The following IFFO2 variants were observed in gnomAD, a reference collection of about 807,000 sequenced individuals.
The protein encoded by IFFO2 is intermediate filament family orphan 2.
IFFO2 carries 19 observed loss-of-function variants against 53.5 expected under a neutral mutation model. The ratio of observed to expected loss-of-function variants is 0.36; its 90% CI spans 0.25 to 0.52. The LOEUF (loss-of-function observed/expected upper bound fraction) is 0.52, where lower values mean the gene tolerates loss of function less well. Among genes scored for constraint, IFFO2 ranks in the 20% least tolerant of loss-of-function variants. The pLI, the probability that IFFO2 is intolerant of heterozygous loss-of-function variation, is 0.94. For synonymous variants in IFFO2, 303 were observed against 313.6 expected (o/e 0.97, Z 0.36); for missense variants, 570 against 727.4 (o/e 0.78, Z 2.49).
intron 1 of IFFO2, among the ~76,000 whole-genome samples, chr1:18,927,603 G>A (rs1936322228): frequency 6.6e-6 from 1 of 152,260 alleles, no homozygotes; most frequent in Non-Finnish European, 1.5e-5. Context: ...TAGCTCCTGT[G>A]TTTGCCCACC....
intron 1 of IFFO2, among the ~76,000 whole-genome samples, chr1:18,939,828 A>C (rs1261375222): frequency 6.6e-6 from 1 of 152,176 alleles, no homozygotes; most frequent in Admixed American, 6.5e-5. Flanking sequence ...AGCACTTCCC[A>C]ATGGAAAAGG....
At position 18,907,978 on chromosome 1, in the gene IFFO2, T is replaced by C. The variant is rs1197324115; in HGVS notation, c.*583A>G. On this transcript the variant is annotated 3_prime_UTR_variant, in exon 9 of 9. Transcript: ENST00000455833. The stretch of plus-strand genomic sequence containing the variant: ...TTCCCTTCCTTCCACCTTTCTCTCC[T>C]TCAGGGAGTGAGAAAATTGGGGTGG... The C allele has an allele frequency of 1.3e-5, 2 of 154,300 alleles. No homozygotes were observed. Among genetic ancestry groups the C allele is most frequent in the Non-Finnish European group, 2.9e-5 (2 of 69,230 alleles). The allele number at this position is 154,300 out of a possible 1,614,324, so 9.6% of individuals were successfully genotyped here.
intron 1 of IFFO2, among the ~76,000 whole-genome samples, chr1:18,950,817 G>A (rs1936650630): frequency 1.3e-5 from 2 of 152,164 alleles, no homozygotes; most frequent in African/African-American, 4.8e-5. Context: ...ATCCCTTTTT[G>A]GAGTCCTCCA....
At position 18,918,330 on chromosome 1, in the gene IFFO2, G is replaced by T. The variant is rs1291369950; in HGVS notation, c.963+32C>A. Reference sequence around the variant, plus strand: ...CCAGGGCTGCTCTGGGAGAGTGGGGGGTTGGCTGGTGAGCAGGGCAGCCCT... The same window carrying T: ...CCAGGGCTGCTCTGGGAGAGTGGGGTGTTGGCTGGTGAGCAGGGCAGCCCT... On this transcript the variant is annotated intron_variant, in intron 4 of 8. Transcript: ENST00000455833. This position sits in a 1 kb window ranked among gnomAD's most constrained non-coding sequence, Gnocchi z 5.2. The T allele has an allele frequency of 5.0e-5, 77 of 1,540,740 alleles. No individual in the cohort carries two copies. Among genetic ancestry groups the T allele is most frequent in the East Asian group, 9.9e-5 (4 of 40,594 alleles).
chr1:18,954,932 G>A (rs77060138), intron 1 of IFFO2, among the ~76,000 whole-genome samples: 6,366 of 152,296 alleles, frequency 0.042, 162 homozygotes, highest in South Asian at 0.068. Context: ...ATGAGACTCA[G>A]GGAGTGGGGA....
In IFFO2 at chr1:18,904,801, A is replaced by G. The variant is rs952395983; in HGVS notation, c.*3760T>C. ...GTCCTAGGAAACCCCCAGCACCCTG[A>G]TCCCTCCCCCCAGGGCCCTGGGGGG... On this transcript the variant is annotated 3_prime_UTR_variant, in exon 9 of 9. Transcript: ENST00000455833. 1.3e-5 allele frequency: 2 copies of G among 152,068 alleles called. No homozygotes were observed. The highest frequency in any genetic ancestry group is 2.9e-5 in the Non-Finnish European group (2 of 68,070). The allele number at this position is 152,068 out of a possible 1,614,324, so 9.4% of individuals were successfully genotyped here. A position where few individuals can be genotyped will look rare whatever the true frequency, so the allele number is the denominator to read the frequency against.
chr1:18,921,253 C>A, intron 1 of IFFO2, 132 bp from the exon 2 acceptor site: 1 of 763,446 alleles, frequency 1.3e-6, no homozygotes, highest in East Asian at 2.7e-5. Context: ...GGCATCCATC[C>A]CTGCCTGCCC....
chr1:18,911,344 G>T, intron 7 of IFFO2, 40 bp downstream of exon 7: 1 of 1,070,154 alleles, frequency 9.3e-7, no homozygotes, highest in Non-Finnish European at 1.3e-6. Flanking sequence ...GTGGACCTCA[G>T]GAGAGCCTCA....
chr1:18,955,760 C>A lies in IFFO2; in HGVS notation c.573G>T (p.Val191=). The change falls in exon 1 of 9, where the codon GTG becomes GTT. Residue 191 remains valine (V), a synonymous_variant. Coordinates refer to ENST00000455833, the MANE Select transcript of IFFO2 (RefSeq NM_001136265.2). ...GCGTGATGGTGTCGATCTGCACGCCCACGCCGTCGGGGTGCACCCACGACA... is the reference window on the plus strand; with the variant it reads ...GCGTGATGGTGTCGATCTGCACGCCAACGCCGTCGGGGTGCACCCACGACA... The part of the protein sequence containing the change: ...PGVSWVHPDG[V]GVQIDTITPE... 1 of 1,569,090 alleles carries A rather than the reference C, an allele frequency of 6.4e-7. No individual in the cohort carries two copies.
At position 18,916,972 on chromosome 1, in the gene IFFO2, T is replaced by A. The variant is rs1426761008; in HGVS notation, c.1034A>T (p.Asn345Ile). The A allele has an allele frequency of 6.4e-7, 1 of 1,551,988 alleles. No homozygotes were observed. The highest frequency in any genetic ancestry group is 2.0e-5 in the Admixed American group (1 of 50,992). Residue 345 changes from asparagine to isoleucine, a missense_variant, in exon 5 of 9, where the codon AAC becomes ATC. Asn to Ile is a moderately radical substitution (Grantham distance 149). Transcript: ENST00000455833. This position sits in a 1 kb window ranked among gnomAD's most constrained non-coding sequence, Gnocchi z 4.3. ...DDISEQDGEVNRFSDDEVGSM... is the reference protein window; with the variant it reads ...DDISEQDGEVIRFSDDEVGSM... ...GCCGACCTCATCGTCCGAGAACCGGTTCACCTCCCCGTCCTGCTCAGAGAT... is the reference window on the plus strand; with the variant it reads ...GCCGACCTCATCGTCCGAGAACCGGATCACCTCCCCGTCCTGCTCAGAGAT...
rs1453226961 is a variant in IFFO2 at position 18,917,461 on chromosome 1, G to A, written c.964-419C>T. 6.6e-6 allele frequency among the ~76,000 whole-genome samples: 1 copy of A among 152,160 alleles called. No individual in the cohort carries two copies. The highest frequency in any genetic ancestry group is 6.5e-5 in the Admixed American group (1 of 15,282). On this transcript the variant is annotated intron_variant, in intron 4 of 8. Transcript: ENST00000455833. This position sits in a 1 kb window ranked among gnomAD's most constrained non-coding sequence, Gnocchi z 5.9. ...CAGAGCCCTCCTGCTCACATGCAAA[G>A]GCAAAGGACAGACGGCCCAAGGTTC...
chr1:18,921,256 G>A (rs1936212448), intron 1 of IFFO2, 135 bp from the exon 2 acceptor site: 13 of 759,102 alleles, frequency 1.7e-5, no homozygotes, highest in Middle Eastern at 2.3e-4. Context: ...ATCCATCCCT[G>A]CCTGCCCTCT....
At chr1:18,946,925 CAT>C (rs1377221347) in intron 1 of IFFO2, among the ~76,000 whole-genome samples, 2 of 152,236 alleles carry the variant, frequency 1.3e-5, no homozygotes, top group East Asian at 1.9e-4. Context: ...TTAACTAACA[CAT>C]GTTTATTGTG....
At chr1:18,914,799 G>A (rs1936107293) in intron 5 of IFFO2, among the ~76,000 whole-genome samples, 1 of 146,708 alleles carries the variant, frequency 6.8e-6, no homozygotes, top group Non-Finnish European at 1.5e-5. Context: ...CTCCAGCCTG[G>A]GCAACAGAAC....
intron 1 of IFFO2, among the ~76,000 whole-genome samples, chr1:18,932,217 A>C (rs186136175): frequency 6.6e-6 from 1 of 152,220 alleles, no homozygotes; most frequent in Admixed American, 6.5e-5. Flanking sequence ...GTTTGTGAAA[A>C]GGAGGGTATA....
rs58235447 is a variant in IFFO2, at chr1:18,908,083, GA to G, written c.*477del. Reference sequence around the variant, plus strand: ...GGCAGAGCACCCCAAGCTCCAGGCCGAGTCTGGGCTGGCTCAGGAGGAAGGG... The same window carrying G: ...GGCAGAGCACCCCAAGCTCCAGGCCGGTCTGGGCTGGCTCAGGAGGAAGGG... On this transcript the variant is annotated 3_prime_UTR_variant, in exon 9 of 9. Transcript: ENST00000455833. The G allele has an allele frequency of 0.07, 11,497 of 164,414 alleles. 1,057 individuals carry two copies. The highest frequency in any genetic ancestry group is 0.22 in the African/African-American group (9,019 of 41,898). 10.2% of individuals were successfully genotyped at this position (164,414 alleles called of 1,614,324 possible). A position where few individuals can be genotyped will look rare whatever the true frequency, so the allele number is the denominator to read the frequency against.
At chr1:18,937,733 C>T (rs934962532) in intron 1 of IFFO2, among the ~76,000 whole-genome samples, 3 of 152,232 alleles carry the variant, frequency 2.0e-5, no homozygotes, top group Non-Finnish European at 4.4e-5. Context: ...ATCATAACAG[C>T]ATTATGGAGG....
chr1:18,928,455 C>T lies in IFFO2; in HGVS notation c.666-7334G>A, dbSNP rs1183308903. Among the ~76,000 whole-genome samples, 7 of 152,170 alleles carry T rather than the reference C, an allele frequency of 4.6e-5. No homozygotes were observed. The highest frequency in any genetic ancestry group is 1.3e-4 in the Admixed American group (2 of 15,290). On this transcript the variant is annotated intron_variant, in intron 1 of 8. Coordinates refer to ENST00000455833, the MANE Select transcript of IFFO2 (RefSeq NM_001136265.2). This position sits in a 1 kb window ranked among gnomAD's most constrained non-coding sequence, Gnocchi z 4.9. ...GCGGGCAGTAATGGCCTGAGCAGGA[C>T]GGAGCACAGGCTGTACACTGAGGAT...
chr1:18,939,175 T>C (rs1936489279), intron 1 of IFFO2, among the ~76,000 whole-genome samples: 1 of 152,194 alleles, frequency 6.6e-6, no homozygotes, highest in South Asian at 2.1e-4. Context: ...TGCTTGGCCC[T>C]GAGGGCAGCC....
Sources: gnomAD v4.1 joint callset for allele counts (sites outside exome capture counted in the v4.1 genomes callset) on GRCh38, gnomAD v4.1.1 for gene constraint, Gnocchi (gnomAD v3.1) non-coding constraint, MANE v1.5 for transcripts, NCBI Gene and HGNC (gene_info 2026-07-23, HGNC 2026-07-21) for gene names.